CDYL2: variants seen among roughly 807,000 people sequenced by gnomAD.
The protein encoded by CDYL2 is chromodomain Y-like protein 2.
CDYL2 carries 23 observed loss-of-function variants against 49.4 expected under a neutral mutation model. That is an observed-to-expected ratio of 0.47 (90% CI 0.34 to 0.66). The LOEUF is 0.66. Ranked by LOEUF, CDYL2 falls within the 30% of genes least tolerant of loss-of-function variation. The pLI, the probability that CDYL2 is intolerant of heterozygous loss-of-function variation, is 0.01. For missense variants in CDYL2, 678 were observed against 656.4 expected, an observed-to-expected ratio of 1.03 and a Z score of -0.36; for synonymous variants, 360 against 268.8, an observed-to-expected ratio of 1.34 and a Z score of -3.32.
intron 4 of CDYL2, among the ~76,000 whole-genome samples, chr16:80,618,564 T>G (rs986580937): frequency 7.9e-5 from 12 of 152,178 alleles, no homozygotes; most frequent in African/African-American, 2.2e-4. Flanking sequence ...AAATCCATCA[T>G]GAGACCTGAC....
At chr16:80,749,241 T>C (rs901816303) in intron 1 of CDYL2, among the ~76,000 whole-genome samples, 1 of 152,226 alleles carries the variant, frequency 6.6e-6, no homozygotes, top group Admixed American at 6.5e-5. Flanking sequence ...ACTGAATACC[T>C]AGCAATGTCT....
At chr16:80,637,850 G>A (rs1201075298) in intron 2 of CDYL2, among the ~76,000 whole-genome samples, 2 of 152,110 alleles carry the variant, frequency 1.3e-5, no homozygotes, top group Non-Finnish European at 2.9e-5. Flanking sequence ...CATCCTATGC[G>A]GGTATCTAAG....
At chr16:80,784,999 G>C (rs1447308527) in intron 1 of CDYL2, among the ~76,000 whole-genome samples, 1 of 152,120 alleles carries the variant, frequency 6.6e-6, no homozygotes, top group East Asian at 1.9e-4. Context: ...AGTAAGTTTG[G>C]TACACAGGGA....
intron 2 of CDYL2, among the ~76,000 whole-genome samples, chr16:80,659,911 T>C (rs1217553459): frequency 6.6e-6 from 1 of 151,812 alleles, no homozygotes; most frequent in East Asian, 1.9e-4. Context: ...CAAATAATAT[T>C]AATGATAAAC....
At chr16:80,668,475 T>C (rs903410710) in intron 2 of CDYL2, among the ~76,000 whole-genome samples, 1 of 151,162 alleles carries the variant, frequency 6.6e-6, no homozygotes, top group Non-Finnish European at 1.5e-5. Context: ...ATATAATATA[T>C]GGTATGTAAT....
chr16:80,604,515 C>T lies in CDYL2; in HGVS notation c.1394G>A (p.Ser465Asn), dbSNP rs1906244308. 1.2e-6 allele frequency: 2 copies of T among 1,614,080 alleles called. No individual in the cohort carries two copies. Among genetic ancestry groups the T allele is most frequent in the Admixed American group, 3.3e-5 (2 of 60,010 alleles). The stretch of plus-strand genomic sequence containing the variant: ...GTCTTCCAGCACTGATTTCAGGAAG[C>T]TCCGCACGAGGCATTTGGACTCCTC... ...VLEESKCLVR[S>N]FLKSVLEDVN... Residue 465 changes from serine to asparagine, a missense_variant, in exon 7 of 7, where the codon AGC becomes AAC. Ser to Asn is a conservative substitution (Grantham distance 46, BLOSUM62 1). Coordinates refer to ENST00000570137, the MANE Select transcript of CDYL2 (RefSeq NM_152342.4).
At chr16:80,632,785 C>G (rs747624792) in intron 3 of CDYL2, 88 of 496,842 alleles carry the variant, frequency 1.8e-4, no homozygotes, top group Non-Finnish European at 3.0e-4. Flanking sequence ...CAGTGAGTCC[C>G]TCTCCCCATG....
intron 1 of CDYL2, among the ~76,000 whole-genome samples, chr16:80,783,984 G>C (rs1907353071): frequency 6.6e-6 from 1 of 152,166 alleles, no homozygotes; most frequent in South Asian, 2.1e-4. Flanking sequence ...AGACAACATT[G>C]TGAAAGTACT....
At chr16:80,715,966 T>C (rs1305245121) in intron 1 of CDYL2, among the ~76,000 whole-genome samples, 1 of 152,244 alleles carries the variant, frequency 6.6e-6, no homozygotes, top group Non-Finnish European at 1.5e-5. Flanking sequence ...AACCCAGCTC[T>C]GTCGCCGACC....
At chr16:80,632,982 G>A (rs1418821958) in intron 3 of CDYL2, 37 bp downstream of exon 3, 2 of 1,586,732 alleles carry the variant, frequency 1.3e-6, no homozygotes, top group South Asian at 1.1e-5. Flanking sequence ...AGGAGCCACA[G>A]CCCAGCTTGC....
chr16:80,693,456 G>A (rs191801919), intron 1 of CDYL2, among the ~76,000 whole-genome samples: 2 of 152,114 alleles, frequency 1.3e-5, no homozygotes, highest in African/African-American at 2.4e-5. Flanking sequence ...GAGGCCAAAG[G>A]TATTATTTAC....
rs1906184746 is a variant in CDYL2, at chr16:80,603,433, C to T, written c.*955G>A. 1 of 152,156 alleles carries T rather than the reference C, an allele frequency of 6.6e-6. No homozygotes were observed. Among genetic ancestry groups the T allele is most frequent in the Non-Finnish European group, 1.5e-5 (1 of 68,026 alleles). The allele number at this position is 152,156 out of a possible 1,614,324, so 9.4% of individuals were successfully genotyped here. ...TCCCAAGATGTCTCCTAAGGACAAA[C>T]CTAAGGAACTAGTATTCTATTATTA... On this transcript the variant is annotated 3_prime_UTR_variant, in exon 7 of 7. Coordinates refer to ENST00000570137, the MANE Select transcript of CDYL2 (RefSeq NM_152342.4).
chr16:80,708,795 T>C (rs1163513258), intron 1 of CDYL2, among the ~76,000 whole-genome samples: 1 of 152,196 alleles, frequency 6.6e-6, no homozygotes, highest in East Asian at 1.9e-4. Context: ...AAGCTTATTG[T>C]GTAGTTCAGG....
chr16:80,629,086 C>T (rs562268350), intron 3 of CDYL2, among the ~76,000 whole-genome samples: 89 of 152,090 alleles, frequency 5.9e-4, no homozygotes, highest in African/African-American at 7.5e-4. Flanking sequence ...GTGGGCTGCA[C>T]GATGAGGCGG....
intron 2 of CDYL2, among the ~76,000 whole-genome samples, chr16:80,642,524 A>G (rs998483125): frequency 9.2e-5 from 14 of 152,198 alleles, no homozygotes; most frequent in African/African-American, 3.4e-4. Context: ...ATGATGAGAT[A>G]TAAGATATTA....
At chr16:80,672,352 C>CACACACACAGAGAGAGAG (rs68130206) in intron 2 of CDYL2, among the ~76,000 whole-genome samples, 7 of 117,770 alleles carry the variant, frequency 5.9e-5, no homozygotes, top group African/African-American at 9.4e-5. Context: ...CACACACACA[C>CACACACACAGAGAGAGAG]AGAGAGAGAG....
chr16:80,779,015 G>A (rs1907179995), intron 1 of CDYL2, among the ~76,000 whole-genome samples: 2 of 151,896 alleles, frequency 1.3e-5, no homozygotes, highest in Admixed American at 1.3e-4. Context: ...CAAAAATTAT[G>A]CCATAAAAGA....
At chr16:80,712,289 G>A (rs1238775862) in intron 1 of CDYL2, among the ~76,000 whole-genome samples, 2 of 150,360 alleles carry the variant, frequency 1.3e-5, no homozygotes, top group East Asian at 2.0e-4. Context: ...AATGTCCAGA[G>A]AGTCCCTGAA....
At chr16:80,661,304 T>C (rs1407671624) in intron 2 of CDYL2, among the ~76,000 whole-genome samples, 2 of 143,686 alleles carry the variant, frequency 1.4e-5, no homozygotes, top group Non-Finnish European at 1.6e-5. Context: ...TTGATTATTA[T>C]GGGCAGCTGG....
Sources: allele counts gnomAD v4.1 joint callset (sites outside exome capture counted in the v4.1 genomes callset), GRCh38; gene constraint gnomAD v4.1.1; transcripts MANE v1.5; gene names NCBI Gene and HGNC (gene_info 2026-07-23, HGNC 2026-07-21).